SLC11A2: variants seen among roughly 807,000 people sequenced by gnomAD.
SLC11A2 encodes the protein solute carrier family 11 member 2.
A neutral mutation model predicts 68.0 loss-of-function variants in SLC11A2; 38 were observed. The observed-to-expected ratio is 0.56, with a 90% CI of 0.43 to 0.73. SLC11A2 has a LOEUF of 0.73. SLC11A2 is among the 30% of genes least tolerant of loss of function. The probability of loss-of-function intolerance (pLI) is 0.00; values close to 1 mark genes in which losing one functional copy is unlikely to be tolerated. For synonymous variants in SLC11A2, 242 were observed against 250.6 expected, an observed-to-expected ratio of 0.97 and a Z score of 0.32; for missense variants, 517 against 690.5, an observed-to-expected ratio of 0.75 and a Z score of 2.82.
intron 5 of SLC11A2, among the ~76,000 whole-genome samples, chr12:51,001,351 C>G (rs1178891061): frequency 6.6e-6 from 1 of 151,858 alleles, no homozygotes; most frequent in Non-Finnish European, 1.5e-5. Flanking sequence ...CTTATGAACA[C>G]ACAGACAGAA....
At chr12:51,026,229 G>A in intron 1 of SLC11A2, 81 bp downstream of exon 1, 2 of 1,218,336 alleles carry the variant, frequency 1.6e-6, no homozygotes, top group Non-Finnish European at 2.1e-6. Context: ...CCTGACCCCC[G>A]ACACAGGCCC....
At position 50,996,914 on chromosome 12, in the gene SLC11A2, C is replaced by G. The variant is rs751917209; in HGVS notation, c.734G>C (p.Cys245Ser). The stretch of plus-strand genomic sequence containing the variant: ...AATCTGTGGAGTGCGACAGCCTGAA[C>G]AGGATGGTACGAACATGCCCTTGAG... ...QVLKGMFVPS[C>S]SGCRTPQIEQ... The change falls in exon 9 of 16, where the codon TGT becomes TCT. Residue 245 changes from cysteine (C) to serine (S), a missense_variant. Transcript: ENST00000262052. The G allele has an allele frequency of 6.2e-7, 1 of 1,614,060 alleles. No individual in the cohort carries two copies. Among genetic ancestry groups the G allele is most frequent in the Non-Finnish European group, 8.5e-7 (1 of 1,179,978 alleles).
the SLC11A2 span, among the ~76,000 whole-genome samples, chr12:50,973,293 C>A: frequency 6.6e-6 from 1 of 152,196 alleles, no homozygotes; most frequent in Non-Finnish European, 1.5e-5. Context: ...TGAGATGAAA[C>A]TTCCAGAGGA....
chr12:50,966,473 G>C, the SLC11A2 span, among the ~76,000 whole-genome samples: 1 of 152,040 alleles, frequency 6.6e-6, no homozygotes, highest in African/African-American at 2.4e-5. Flanking sequence ...CAGCATCCCT[G>C]GTCTCCACCC....
the SLC11A2 span, among the ~76,000 whole-genome samples, chr12:50,968,119 G>GAAT: frequency 2.0e-5 from 3 of 152,044 alleles, no homozygotes; most frequent in Admixed American, 6.6e-5. Context: ...AGGAGGAGGA[G>GAAT]GAGGAGGAGA....
chr12:50,992,369 T>G, intron 12 of SLC11A2, 30 bp from the exon 13 acceptor site: 1 of 1,612,160 alleles, frequency 6.2e-7, no homozygotes. Flanking sequence ...CAGATGACTG[T>G]CTGCAACAGG....
At chr12:51,005,855 C>A (rs1249937061) in intron 3 of SLC11A2, 4 of 392,960 alleles carry the variant, frequency 1.0e-5, no homozygotes, top group East Asian at 7.2e-5. Context: ...GCTCCCCCAA[C>A]CAACTGAACG....
At chr12:50,968,030 G>A in the SLC11A2 span, among the ~76,000 whole-genome samples, 10 of 152,134 alleles carry the variant, frequency 6.6e-5, no homozygotes, top group African/African-American at 1.7e-4. Flanking sequence ...GAGGCTGCAT[G>A]AGCCTTGCTC....
chr12:50,958,699 G>A, the SLC11A2 span, among the ~76,000 whole-genome samples: 1 of 150,918 alleles, frequency 6.6e-6, no homozygotes, highest in African/African-American at 2.5e-5. Context: ...GTCAAATGCA[G>A]GGATTAATGG....
chr12:50,986,664 G>A lies in SLC11A2; in HGVS notation c.*1661C>T. 3.1e-6 allele frequency: 4 copies of A among 1,286,740 alleles called. No homozygotes were observed. The highest frequency in any genetic ancestry group is 4.0e-6 in the Non-Finnish European group (4 of 988,380). 79.7% of individuals were successfully genotyped at this position (1,286,740 alleles called of 1,614,324 possible). On this transcript the variant is annotated 3_prime_UTR_variant, in exon 16 of 16. Coordinates refer to ENST00000262052, the MANE Select transcript of SLC11A2 (RefSeq NM_000617.3). ...CAATATCTTCACAGAGTGCCTTTAT[G>A]ACCAGTTTGGAGAATTACGATGGTA...
the SLC11A2 span, chr12:50,970,417 T>C: frequency 8.2e-5 from 98 of 1,199,704 alleles, no homozygotes; most frequent in Non-Finnish European, 1.1e-4. Context: ...GGATACTCAA[T>C]TGATATACAT....
At chr12:50,973,691 G>A in the SLC11A2 span, among the ~76,000 whole-genome samples, 3 of 152,120 alleles carry the variant, frequency 2.0e-5, no homozygotes, top group Non-Finnish European at 2.9e-5. Context: ...GAATTTCTCC[G>A]AGCTAAAGGA....
Position 51,002,657 on chromosome 12 carries a change from C to G in SLC11A2, c.429+2131G>C, listed in dbSNP as rs1000651656. Among the ~76,000 whole-genome samples, 56 of 26,786 alleles carry G rather than the reference C, an allele frequency of 2.1e-3. 1 individual carries two copies. Among genetic ancestry groups the G allele is most frequent in the African/African-American group, 4.8e-3 (55 of 11,516 alleles). The allele number at this position is 26,786 out of a possible 152,430, so 17.6% of individuals were successfully genotyped here. A position where few individuals can be genotyped will look rare whatever the true frequency, so the allele number is the denominator to read the frequency against. ...TGGTCTCAAAAAAAAAAAAAAAGGG[C>G]AGAGCCAGGCGCAGTAGCTCACGCC... On this transcript the variant is annotated intron_variant, in intron 5 of 15. Transcript: ENST00000262052.
downstream of SLC11A2, chr12:50,979,791 T>C (rs1039601702): frequency 8.9e-6 from 4 of 447,666 alleles, no homozygotes; most frequent in Non-Finnish European, 1.8e-5. Flanking sequence ...GTCTGGATTT[T>C]TTAAAAAGTT....
At chr12:50,968,592 C>G in the SLC11A2 span, among the ~76,000 whole-genome samples, 1 of 151,974 alleles carries the variant, frequency 6.6e-6, no homozygotes, top group Non-Finnish European at 1.5e-5. Context: ...CTCTGTTGCC[C>G]AGGCTGGAGT....
chr12:51,013,760 C>G (rs1943416352), intron 1 of SLC11A2, among the ~76,000 whole-genome samples: 1 of 151,992 alleles, frequency 6.6e-6, no homozygotes, highest in Admixed American at 6.6e-5. Context: ...AAAGAAGACA[C>G]AGAAATGTCT....
Position 50,986,731 on chromosome 12 carries a change from G to T in SLC11A2, c.*1594C>A. On this transcript the variant is annotated 3_prime_UTR_variant, in exon 16 of 16. Transcript: ENST00000262052. ...ATGAAGAGGAATGGTTAGGGGAATTGTCATTCATAACTCTGTGCTATATTA... is the reference window on the plus strand; with the variant it reads ...ATGAAGAGGAATGGTTAGGGGAATTTTCATTCATAACTCTGTGCTATATTA... 7.8e-7 allele frequency: 1 copy of T among 1,287,120 alleles called. No individual in the cohort carries two copies. Among genetic ancestry groups the T allele is most frequent in the Non-Finnish European group, 1.0e-6 (1 of 988,634 alleles). The allele number at this position is 1,287,120 out of a possible 1,614,324, so 79.7% of individuals were successfully genotyped here. A position where few individuals can be genotyped will look rare whatever the true frequency, so the allele number is the denominator to read the frequency against.
At chr12:50,998,858 C>A (rs1941963345) in intron 8 of SLC11A2, among the ~76,000 whole-genome samples, 1 of 152,090 alleles carries the variant, frequency 6.6e-6, no homozygotes, top group Admixed American at 6.6e-5. Context: ...AACCCTGCAA[C>A]CCCCTCCTTA....
intron 1 of SLC11A2, chr12:51,025,878 G>A (rs1244900025): frequency 1.0e-6 from 1 of 988,388 alleles, no homozygotes; most frequent in Non-Finnish European, 1.2e-6. Context: ...GGAGGCCCCG[G>A]AGAGCAGCCC....
Sources: gnomAD v4.1 joint callset for allele counts (sites outside exome capture counted in the v4.1 genomes callset) on GRCh38, gnomAD v4.1.1 for gene constraint, MANE v1.5 for transcripts, NCBI Gene and HGNC (gene_info 2026-07-23, HGNC 2026-07-21) for gene names.